The following CAMTA1 variants were observed in gnomAD, a reference collection of about 807,000 sequenced individuals.
CAMTA1 encodes calmodulin-binding transcription activator 1.
In CAMTA1, 27 loss-of-function variants were observed where a neutral mutation model predicts 170.9. That is an observed-to-expected ratio of 0.16 (90% CI 0.12 to 0.22). CAMTA1 has a LOEUF of 0.22. Among genes scored for constraint, CAMTA1 ranks in the 10% least tolerant of loss-of-function variants. The probability of loss-of-function intolerance (pLI) is 1.00; values close to 1 mark genes in which losing one functional copy is unlikely to be tolerated. For synonymous variants in CAMTA1, 833 were observed against 891.5 expected, an observed-to-expected ratio of 0.93 and a Z score of 1.17; for missense variants, 1,619 against 2,217.2, an observed-to-expected ratio of 0.73 and a Z score of 5.42.
At chr1:7,446,591 C>T (rs1025960848) in intron 5 of CAMTA1, among the ~76,000 whole-genome samples, 2 of 152,202 alleles carry the variant, frequency 1.3e-5, no homozygotes, top group Non-Finnish European at 2.9e-5. Context: ...ATACGGCAAA[C>T]GGAGCTCATG....
chr1:7,626,934 A>G (rs1342745420), intron 6 of CAMTA1, among the ~76,000 whole-genome samples: 3 of 152,190 alleles, frequency 2.0e-5, no homozygotes, highest in African/African-American at 7.2e-5. Flanking sequence ...ATCCAGGAAG[A>G]GGACAGTGCT....
intron 3 of CAMTA1, among the ~76,000 whole-genome samples, chr1:7,031,097 T>G (rs1702738238): frequency 6.6e-6 from 1 of 151,612 alleles, no homozygotes; most frequent in African/African-American, 2.4e-5. Context: ...TCCACCTGCC[T>G]TGGCCTCCCA....
intron 3 of CAMTA1, among the ~76,000 whole-genome samples, chr1:6,919,323 C>T (rs1207772337): frequency 2.0e-5 from 3 of 152,200 alleles, no homozygotes; most frequent in Non-Finnish European, 2.9e-5. Flanking sequence ...GCAGGCAAGT[C>T]AGGGGTTCTG....
At chr1:7,473,221 C>T (rs1049271388) in intron 6 of CAMTA1, among the ~76,000 whole-genome samples, 16 of 152,164 alleles carry the variant, frequency 1.1e-4, no homozygotes, top group Non-Finnish European at 1.8e-4. Flanking sequence ...GGAGATGCCC[C>T]GGTTCCACTC....
At chr1:7,329,237 A>G (rs1413097840) in intron 5 of CAMTA1, among the ~76,000 whole-genome samples, 1 of 152,246 alleles carries the variant, frequency 6.6e-6, no homozygotes, top group East Asian at 1.9e-4. Flanking sequence ...ACTTCTAATT[A>G]TGTTGGAGTT....
chr1:7,147,587 A>T (rs1189232797), intron 4 of CAMTA1, among the ~76,000 whole-genome samples: 2 of 151,450 alleles, frequency 1.3e-5, no homozygotes, highest in Non-Finnish European at 3.0e-5. Context: ...GCACTGAAAT[A>T]TGCACCATGC....
At chr1:7,411,038 C>T (rs770273976) in intron 5 of CAMTA1, among the ~76,000 whole-genome samples, 3 of 151,756 alleles carry the variant, frequency 2.0e-5, no homozygotes, top group Non-Finnish European at 4.4e-5. Context: ...CATCCATGCA[C>T]GTTTTAGTGT....
chr1:7,507,535 C>T (rs2094138677), intron 6 of CAMTA1, among the ~76,000 whole-genome samples: 1 of 152,210 alleles, frequency 6.6e-6, no homozygotes, highest in South Asian at 2.1e-4. Context: ...CCTTTATTAC[C>T]TCGTGGGCTC....
chr1:6,864,639 C>G (rs988193654), intron 3 of CAMTA1, among the ~76,000 whole-genome samples: 4 of 152,194 alleles, frequency 2.6e-5, no homozygotes, highest in Non-Finnish European at 5.9e-5. Context: ...TTAGACATGT[C>G]GTTGCCTCTG....
At chr1:7,723,612 G>A (rs2096663479) in intron 11 of CAMTA1, among the ~76,000 whole-genome samples, 2 of 152,156 alleles carry the variant, frequency 1.3e-5, no homozygotes, top group Admixed American at 1.3e-4. Flanking sequence ...GTACAGCAAT[G>A]TAGCAAACAT....
At chr1:7,630,055 G>A (rs1001616277) in intron 6 of CAMTA1, among the ~76,000 whole-genome samples, 5 of 152,094 alleles carry the variant, frequency 3.3e-5, no homozygotes, top group East Asian at 3.9e-4. Context: ...AGATTTTATC[G>A]GACATGTCTT....
chr1:7,607,309 A>G (rs1176007345), intron 6 of CAMTA1, among the ~76,000 whole-genome samples: 1 of 144,536 alleles, frequency 6.9e-6, no homozygotes, highest in Non-Finnish European at 1.5e-5. Context: ...GTTGGATGGA[A>G]TGGTAGGTGG....
chr1:7,249,303 A>G lies in CAMTA1; in HGVS notation c.303-188A>G, dbSNP rs1402712519. On this transcript the variant is annotated intron_variant, in intron 4 of 22. Coordinates refer to ENST00000303635, the MANE Select transcript of CAMTA1 (RefSeq NM_015215.4). This position sits in a 1 kb window ranked among gnomAD's most constrained non-coding sequence, Gnocchi z 4.4. Reference sequence around the variant, plus strand: ...ATTTAATTCATTAGGTACCAAATCCAAAGCAAATTTTGGCTGGCCATAAAA... The same window carrying G: ...ATTTAATTCATTAGGTACCAAATCCGAAGCAAATTTTGGCTGGCCATAAAA... Among the ~76,000 whole-genome samples, 1 of 152,242 alleles carries G rather than the reference A, an allele frequency of 6.6e-6. No homozygotes were observed. The highest frequency in any genetic ancestry group is 1.5e-5 in the Non-Finnish European group (1 of 68,046).
intron 4 of CAMTA1, among the ~76,000 whole-genome samples, chr1:7,110,475 G>A (rs1351467838): frequency 6.6e-6 from 1 of 152,194 alleles, no homozygotes; most frequent in Non-Finnish European, 1.5e-5. Context: ...GGGCCAGTCT[G>A]ACCCAGTTCA....
chr1:7,669,884 C>T (rs1319503256), intron 9 of CAMTA1, among the ~76,000 whole-genome samples: 2 of 152,218 alleles, frequency 1.3e-5, no homozygotes, highest in Non-Finnish European at 2.9e-5. Context: ...AGGTGCCGTC[C>T]ACCTCGCACC....
chr1:7,747,202 G>A (rs1311267320), intron 18 of CAMTA1, among the ~76,000 whole-genome samples: 1 of 152,116 alleles, frequency 6.6e-6, no homozygotes, highest in African/African-American at 2.4e-5. Flanking sequence ...CCTAAAGCAG[G>A]GGTTTTCAAC....
At chr1:7,371,671 G>A (rs1378200266) in intron 5 of CAMTA1, among the ~76,000 whole-genome samples, 4 of 152,226 alleles carry the variant, frequency 2.6e-5, no homozygotes, top group Non-Finnish European at 5.9e-5. Context: ...TCTCAGGAAT[G>A]GCCCGGCCTC....
At chr1:6,869,336 G>A (rs978488611) in intron 3 of CAMTA1, among the ~76,000 whole-genome samples, 2 of 152,186 alleles carry the variant, frequency 1.3e-5, no homozygotes, top group Non-Finnish European at 2.9e-5. Flanking sequence ...AAGCTACTCA[G>A]GCCCAATAAC....
chr1:7,732,443 C>G lies in CAMTA1; in HGVS notation c.2915-5C>G. On this transcript the variant is annotated splice_region_variant and splice_polypyrimidine_tract_variant and intron_variant, in intron 11 of 22. Transcript: ENST00000303635. This position sits in a 1 kb window ranked among gnomAD's most constrained non-coding sequence, Gnocchi z 4.1. ...AACCTCACTCTTCCTCCTGCTCTGC[C>G]CTAGATAACCAGTTCAGGATGTCCA... The G allele has an allele frequency of 6.2e-7, 1 of 1,613,020 alleles. No individual in the cohort carries two copies. Among genetic ancestry groups the G allele is most frequent in the South Asian group, 1.1e-5 (1 of 91,026 alleles).
Sources: allele counts gnomAD v4.1 joint callset (sites outside exome capture counted in the v4.1 genomes callset), GRCh38; gene constraint gnomAD v4.1.1; non-coding constraint Gnocchi (gnomAD v3.1); transcripts MANE v1.5; gene names NCBI Gene and HGNC (gene_info 2026-07-23, HGNC 2026-07-21).